Variants in DGKH observed in about 807,000 individuals in gnomAD.
DGKH encodes diacylglycerol kinase eta.
In DGKH, 90 loss-of-function variants were observed where a neutral mutation model predicts 159.3. The ratio of observed to expected loss-of-function variants is 0.57; its 90% CI spans 0.48 to 0.67. The LOEUF (loss-of-function observed/expected upper bound fraction) is 0.67, where lower values mean the gene tolerates loss of function less well. Among genes scored for constraint, DGKH ranks in the 30% least tolerant of loss-of-function variants. The pLI, the probability that DGKH is intolerant of heterozygous loss-of-function variation, is 0.00. For missense variants in DGKH, 1,181 were observed against 1,506.1 expected, an observed-to-expected ratio of 0.78 and a Z score of 3.57; for synonymous variants, 536 against 553.8, an observed-to-expected ratio of 0.97 and a Z score of 0.45.
At chr13:42,099,798 G>A (rs917361710) in intron 1 of DGKH, among the ~76,000 whole-genome samples, 1 of 152,192 alleles carries the variant, frequency 6.6e-6, no homozygotes, top group African/African-American at 2.4e-5. Flanking sequence ...CAAGATGATG[G>A]AGTTGGGGAC....
At chr13:42,080,582 C>T (rs1954181014) in intron 1 of DGKH, among the ~76,000 whole-genome samples, 1 of 152,248 alleles carries the variant, frequency 6.6e-6, no homozygotes, top group East Asian at 1.9e-4. Context: ...CAGAAATCTT[C>T]CTCGAAGAGT....
At chr13:42,159,419 T>C (rs766418697) in intron 6 of DGKH, 47 bp downstream of exon 6, 279 of 1,273,614 alleles carry the variant, frequency 2.2e-4, no homozygotes, top group Middle Eastern at 1.8e-4. Flanking sequence ...ACTCCTCTTT[T>C]ATGTTCTGCT....
chr13:42,229,241 C>G lies in DGKH; in HGVS notation c.*53C>G. ...AAGTTATTGCCACTTAATACAAAGT[C>G]CTTGGAAGCAAGTGGCTGTTCTTGT... On this transcript the variant is annotated 3_prime_UTR_variant, in exon 30 of 30. Transcript: ENST00000337343. The G allele has an allele frequency of 6.6e-7, 1 of 1,516,056 alleles. No individual in the cohort carries two copies. The highest frequency in any genetic ancestry group is 9.0e-7 in the Non-Finnish European group (1 of 1,110,622). 93.9% of individuals were successfully genotyped at this position (1,516,056 alleles called of 1,614,324 possible). A position where few individuals can be genotyped will look rare whatever the true frequency, so the allele number is the denominator to read the frequency against.
In DGKH at chr13:42,233,478, C is replaced by T. The variant is rs1193338383; in HGVS notation, c.*4290C>T. 1 of 152,214 alleles carries T rather than the reference C, an allele frequency of 6.6e-6. No individual in the cohort carries two copies. The highest frequency in any genetic ancestry group is 2.4e-5 in the African/African-American group (1 of 41,452). 9.4% of individuals were successfully genotyped at this position (152,214 alleles called of 1,614,324 possible). A position where few individuals can be genotyped will look rare whatever the true frequency, so the allele number is the denominator to read the frequency against. On this transcript the variant is annotated 3_prime_UTR_variant, in exon 30 of 30. Coordinates refer to ENST00000337343, the MANE Select transcript of DGKH (RefSeq NM_178009.5). The stretch of plus-strand genomic sequence containing the variant: ...TGAGGTCCGAGGGCTTCAAAAGGTC[C>T]CCGGAATAGCTTGTTCCTTCATCCA...
chr13:42,088,149 C>T (rs1954343972), intron 1 of DGKH, among the ~76,000 whole-genome samples: 1 of 152,104 alleles, frequency 6.6e-6, no homozygotes, highest in African/African-American at 2.4e-5. Flanking sequence ...AACCATCAAC[C>T]TAGAATTATA....
Position 42,229,160 on chromosome 13 carries a change from G to T in DGKH, c.3635G>T (p.Gly1212Val). ...KRILQGIKEL[G>V]RSTPQSEV ...ATTCTCCAGGGAATTAAAGAGCTTG[G>T]AAGGAGCACTCCACAGTCGGAGGTG... Residue 1212 changes from glycine to valine, a missense_variant, in exon 30 of 30, where the codon GGA becomes GTA. Coordinates refer to ENST00000337343, the MANE Select transcript of DGKH (RefSeq NM_178009.5). 1 of 1,611,800 alleles carries T rather than the reference G, an allele frequency of 6.2e-7. No homozygotes were observed.
rs1882784192 is a variant in DGKH, at chr13:42,069,076, G to A, written c.192+20111G>A. Reference sequence around the variant, plus strand: ...AAACTGCGGGATGCCTATTGGGCTCGAGCTGCTTATTAAAGAGGAACTCCT... The same window carrying A: ...AAACTGCGGGATGCCTATTGGGCTCAAGCTGCTTATTAAAGAGGAACTCCT... On this transcript the variant is annotated intron_variant, in intron 1 of 29. Coordinates refer to ENST00000337343, the MANE Select transcript of DGKH (RefSeq NM_178009.5). 2.8e-6 allele frequency: 4 copies of A among 1,416,542 alleles called. No homozygotes were observed. In the Admixed American group the frequency reaches 5.0e-5, roughly 18 times the overall value. The allele number at this position is 1,416,542 out of a possible 1,614,324, so 87.7% of individuals were successfully genotyped here. A position where few individuals can be genotyped will look rare whatever the true frequency, so the allele number is the denominator to read the frequency against.
chr13:42,224,005 C>G (rs1369038735), intron 29 of DGKH, among the ~76,000 whole-genome samples: 1 of 152,074 alleles, frequency 6.6e-6, no homozygotes, highest in Non-Finnish European at 1.5e-5. Context: ...TTTGTCTTCC[C>G]GTGTCTTCTT....
intron 24 of DGKH, among the ~76,000 whole-genome samples, chr13:42,211,253 C>G (rs1190314036): frequency 1.3e-5 from 2 of 152,098 alleles, no homozygotes; most frequent in African/African-American, 2.4e-5. Flanking sequence ...TCACCTGAGT[C>G]TTATCTACCG....
chr13:42,141,405 G>T (rs1408604911), intron 3 of DGKH, among the ~76,000 whole-genome samples: 1 of 152,004 alleles, frequency 6.6e-6, no homozygotes, highest in African/African-American at 2.4e-5. Flanking sequence ...TAGTCCTTTG[G>T]GTATATACCC....
At chr13:42,181,009 G>T (rs1956738711) in intron 13 of DGKH, among the ~76,000 whole-genome samples, 1 of 152,038 alleles carries the variant, frequency 6.6e-6, no homozygotes, top group African/African-American at 2.4e-5. Flanking sequence ...GGGCGCGGTG[G>T]CTCACGCTTG....
rs149204052 is a variant in DGKH at position 42,217,140 on chromosome 13, G to A, written c.3213+1473G>A. ...ATTGATTGTATTTGAGAGCAACTAA[G>A]GTTTACTCTATATTTTAGTGCCAGA... On this transcript the variant is annotated intron_variant, in intron 26 of 29. Coordinates refer to ENST00000337343, the MANE Select transcript of DGKH (RefSeq NM_178009.5). 4.2e-3 allele frequency among the ~76,000 whole-genome samples: 639 copies of A among 152,222 alleles called. 18 individuals are homozygous for A. The highest frequency in any genetic ancestry group is 1.3e-3 in the Non-Finnish European group (87 of 68,030).
At position 42,123,628 on chromosome 13, in the gene DGKH, A is replaced by G. The variant is rs534342989; in HGVS notation, c.193-3835A>G. ...CTTGCATCCAGAATATGTAAAGGGC[A>G]TTTAAGATGCAAAAATAGGAAAACA... On this transcript the variant is annotated intron_variant, in intron 1 of 29. Transcript: ENST00000337343. Among the ~76,000 whole-genome samples, 10 of 152,374 alleles carry G rather than the reference A, an allele frequency of 6.6e-5. 1 individual carries two copies. Among genetic ancestry groups the G allele is most frequent in the African/African-American group, 2.4e-4 (10 of 41,594 alleles).
Position 42,229,125 on chromosome 13 carries a change from T to C in DGKH, c.3600T>C (p.His1200=). ...ATCTGGGGATACCGAAAGTGGGTCA[T>C]GTGAAGCGAATTCTCCAGGGAATTA... ...LKDLGIPKVG[H]VKRILQGIKE... The change falls in exon 30 of 30, where the codon CAT becomes CAC. Residue 1200 remains histidine, a synonymous_variant. Transcript: ENST00000337343. 3.1e-6 allele frequency: 5 copies of C among 1,611,662 alleles called. No individual in the cohort carries two copies. The highest frequency in any genetic ancestry group is 4.2e-6 in the Non-Finnish European group (5 of 1,179,334).
chr13:42,104,957 A>C (rs927191843), intron 1 of DGKH, among the ~76,000 whole-genome samples: 5 of 152,146 alleles, frequency 3.3e-5, no homozygotes, highest in Non-Finnish European at 7.3e-5. Flanking sequence ...CTTTTTATAA[A>C]ATATATGAAC....
At chr13:42,248,524 C>G (rs1027130930) in intron 29 of DGKH, among the ~76,000 whole-genome samples, 2 of 142,566 alleles carry the variant, frequency 1.4e-5, no homozygotes, top group Admixed American at 7.0e-5. Flanking sequence ...TATATTTATG[C>G]AATTATTTAA....
At chr13:42,223,570 C>T (rs185373130) in intron 29 of DGKH, among the ~76,000 whole-genome samples, 21 of 152,162 alleles carry the variant, frequency 1.4e-4, no homozygotes, top group African/African-American at 4.8e-4. Context: ...GACCATCTGG[C>T]TAACACAATG....
chr13:42,064,856 G>A (rs539387872), intron 1 of DGKH, among the ~76,000 whole-genome samples: 8 of 151,844 alleles, frequency 5.3e-5, no homozygotes, highest in Non-Finnish European at 1.0e-4. Flanking sequence ...GTATCCTAAA[G>A]AAAGAAATAA....
intron 20 of DGKH, among the ~76,000 whole-genome samples, chr13:42,200,825 A>C (rs4942098): frequency 0.13 from 19,442 of 152,188 alleles, 1,623 homozygotes; most frequent in Admixed American, 0.22. Context: ...TTGCTTATAA[A>C]ATTAAGATAG....
Sources: gnomAD v4.1 joint callset for allele counts (sites outside exome capture counted in the v4.1 genomes callset) on GRCh38, gnomAD v4.1.1 for gene constraint, MANE v1.5 for transcripts, NCBI Gene and HGNC (gene_info 2026-07-23, HGNC 2026-07-21) for gene names.